The following CDH13 variants were observed in gnomAD, a reference collection of about 807,000 sequenced individuals.
The protein encoded by CDH13 is cadherin 13, also known as cadherin-13.
A neutral mutation model predicts 63.8 loss-of-function variants in CDH13; 24 were observed. The ratio of observed to expected loss-of-function variants is 0.38; its 90% CI spans 0.27 to 0.53. CDH13 has a LOEUF of 0.53. Among genes scored for constraint, CDH13 ranks in the 20% least tolerant of loss-of-function variants. CDH13 has a pLI of 0.85. For synonymous variants in CDH13, 503 were observed against 355.3 expected (o/e 1.42, Z -4.67); for missense variants, 1,049 against 903.1 (o/e 1.16, Z -2.07).
intron 1 of CDH13, chr16:82,824,942 CTT>C (rs2038173601): frequency 6.6e-6 from 1 of 152,060 alleles, no homozygotes; most frequent in Non-Finnish European, 1.5e-5. Context: ...TACTTTTAAT[CTT>C]TTACAGATAC....
intron 10 of CDH13, among the ~76,000 whole-genome samples, chr16:83,714,584 T>A (rs1389412326): frequency 1.3e-5 from 2 of 152,212 alleles, no homozygotes; most frequent in African/African-American, 4.8e-5. Context: ...ACCTATTGAC[T>A]TGGATTCTCA....
intron 7 of CDH13, among the ~76,000 whole-genome samples, chr16:83,594,921 G>T (rs1446075645): frequency 6.6e-6 from 1 of 152,138 alleles, no homozygotes; most frequent in African/African-American, 2.4e-5. Context: ...CAGTGAACCT[G>T]GCCTGTGTCT....
At chr16:83,729,565 G>T (rs1446816859) in intron 10 of CDH13, among the ~76,000 whole-genome samples, 1 of 152,174 alleles carries the variant, frequency 6.6e-6, no homozygotes, top group Non-Finnish European at 1.5e-5. Context: ...CGCTATGGTT[G>T]GACAACTCTA....
chr16:82,681,719 G>T (rs1054332436), intron 1 of CDH13, among the ~76,000 whole-genome samples: 2 of 152,220 alleles, frequency 1.3e-5, no homozygotes, highest in Non-Finnish European at 2.9e-5. Context: ...TTCTCTGCCT[G>T]AGGGCTCTCT....
At chr16:83,206,644 G>A (rs552402235) in intron 4 of CDH13, among the ~76,000 whole-genome samples, 20 of 152,350 alleles carry the variant, frequency 1.3e-4, no homozygotes, top group East Asian at 7.7e-4. Flanking sequence ...ACAATCAGAC[G>A]TGGCCACTGC....
At chr16:83,149,613 C>G (rs989733392) in intron 4 of CDH13, among the ~76,000 whole-genome samples, 4 of 152,126 alleles carry the variant, frequency 2.6e-5, no homozygotes, top group Admixed American at 6.5e-5. Context: ...GTGTATATCA[C>G]TAAACATTCA....
At chr16:83,666,703 C>G (rs921642210) in intron 8 of CDH13, among the ~76,000 whole-genome samples, 16 of 152,148 alleles carry the variant, frequency 1.1e-4, no homozygotes, top group Non-Finnish European at 1.6e-4. Flanking sequence ...CTTCCTCTTT[C>G]AGATGCCAGG....
intron 7 of CDH13, among the ~76,000 whole-genome samples, chr16:83,600,973 C>T (rs561680811): frequency 6.6e-6 from 1 of 152,106 alleles, no homozygotes; most frequent in African/African-American, 2.4e-5. Context: ...GAGATGACTC[C>T]TCTAGCTCCC....
chr16:83,674,693 C>T (rs1312423075), intron 9 of CDH13, among the ~76,000 whole-genome samples: 1 of 152,210 alleles, frequency 6.6e-6, no homozygotes, highest in Non-Finnish European at 1.5e-5. Flanking sequence ...TGGTTTCCAG[C>T]AAGGTCCTGC....
At chr16:83,459,628 G>A (rs2073123967) in intron 6 of CDH13, among the ~76,000 whole-genome samples, 1 of 152,188 alleles carries the variant, frequency 6.6e-6, no homozygotes, top group South Asian at 2.1e-4. Context: ...TCGCAGATTT[G>A]TGACCGTTTT....
intron 1 of CDH13, among the ~76,000 whole-genome samples, chr16:82,754,200 C>A (rs1400818932): frequency 6.6e-6 from 1 of 152,210 alleles, no homozygotes; most frequent in African/African-American, 2.4e-5. Context: ...GCATTAAGCA[C>A]TGACAAGAAC....
intron 2 of CDH13, among the ~76,000 whole-genome samples, chr16:82,880,050 TTATA>T (rs1222434212): frequency 2.0e-5 from 3 of 149,344 alleles, no homozygotes; most frequent in African/African-American, 4.9e-5. Flanking sequence ...GATTAATAGA[TTATA>T]TATACTATTT....
chr16:82,817,692 C>T (rs1217989859), intron 1 of CDH13, among the ~76,000 whole-genome samples: 1 of 152,074 alleles, frequency 6.6e-6, no homozygotes, highest in Non-Finnish European at 1.5e-5. Context: ...GTAGTCCCAG[C>T]TACTCAGGAG....
Position 83,141,952 on chromosome 16 carries a change from A to C in CDH13, c.483+16451A>C, listed in dbSNP as rs1266606079. On this transcript the variant is annotated intron_variant, in intron 4 of 13. Transcript: ENST00000567109. Reference sequence around the variant, plus strand: ...ACTCCCTCCTCCAGTGTCAGAGCACACTGCAGGACCCACCCAGTCTTTGAA... The same window carrying C: ...ACTCCCTCCTCCAGTGTCAGAGCACCCTGCAGGACCCACCCAGTCTTTGAA... 3.9e-5 allele frequency among the ~76,000 whole-genome samples: 6 copies of C among 152,190 alleles called. No homozygotes were observed. In the East Asian group the frequency reaches 9.7e-4, roughly 25 times the overall value.
At chr16:83,426,773 C>T (rs1229156836) in intron 6 of CDH13, among the ~76,000 whole-genome samples, 1 of 152,052 alleles carries the variant, frequency 6.6e-6, no homozygotes, top group Non-Finnish European at 1.5e-5. Context: ...ACTTGTCCTA[C>T]CAAACTTAAA....
intron 2 of CDH13, among the ~76,000 whole-genome samples, chr16:83,014,055 T>G (rs1455622339): frequency 6.6e-6 from 1 of 152,100 alleles, no homozygotes; most frequent in Non-Finnish European, 1.5e-5. Context: ...CCTCAAGAAG[T>G]TCACAGTCTG....
chr16:83,602,678 T>C, intron 8 of CDH13, 84 bp downstream of exon 8: 1 of 1,373,282 alleles, frequency 7.3e-7, no homozygotes, highest in Non-Finnish European at 1.0e-6. Flanking sequence ...CCACAGCACC[T>C]GCTGGCCCCC....
chr16:82,874,698 AAAAACAGTTCAAAATATGAGTC>A (rs1181130722), intron 2 of CDH13, among the ~76,000 whole-genome samples: 8 of 152,238 alleles, frequency 5.3e-5, no homozygotes, highest in Admixed American at 4.6e-4. Context: ...GCAGTGCTTG[AAAAACAGTTCAAAATATGAGTC>A]AAAACCTCCC....
At chr16:82,661,784 G>C (rs1911977596) in intron 1 of CDH13, among the ~76,000 whole-genome samples, 1 of 152,232 alleles carries the variant, frequency 6.6e-6, no homozygotes. Flanking sequence ...GGAATAAAGA[G>C]CTAGTACACA....
Sources: gnomAD v4.1 joint callset for allele counts (sites outside exome capture counted in the v4.1 genomes callset) on GRCh38, gnomAD v4.1.1 for gene constraint, MANE v1.5 for transcripts, NCBI Gene and HGNC (gene_info 2026-07-23, HGNC 2026-07-21) for gene names.